AP2A2: variants seen among roughly 807,000 people sequenced by gnomAD.
AP2A2 encodes adaptor related protein complex 2 subunit alpha 2.
Under a neutral mutation model 104.2 loss-of-function variants are expected in AP2A2, and 32 were observed. That is an observed-to-expected ratio of 0.31 (90% confidence interval 0.23 to 0.41). AP2A2 has a LOEUF of 0.41. Among genes scored for constraint, AP2A2 ranks in the 10% least tolerant of loss-of-function variants. AP2A2 has a pLI of 1.00. For missense variants in AP2A2, 912 were observed against 1,261.0 expected (o/e 0.72, Z 4.19); for synonymous variants, 539 against 533.3 (o/e 1.01, Z -0.15).
Position 985,604 on chromosome 11 carries a change from A to G in AP2A2, c.962+22A>G, listed in dbSNP as rs759743540. The stretch of plus-strand genomic sequence containing the variant: ...ACAGGTGTGTCGGCTGCCTGTGGAG[A>G]GGCTTCGTCTCGCGCACACACACAC... On this transcript the variant is annotated intron_variant, in intron 8 of 21. Coordinates refer to ENST00000448903, the MANE Select transcript of AP2A2 (RefSeq NM_012305.4). 16 of 1,613,440 alleles carry G rather than the reference A, an allele frequency of 9.9e-6. No homozygotes were observed. The African/African-American group carries it at 2.0e-4, about 20-fold the overall frequency.
rs192003970 is a variant in AP2A2, at chr11:992,040, G to A, written c.1270-463G>A. ...GAAGGGGAACCCCCAGGTGAGGCTC[G>A]CAGGAAAGACTGGCCAGAGCCGGAA... is the stretch of plus-strand genomic sequence containing the variant. On this transcript the variant is annotated intron_variant, in intron 10 of 21. Coordinates refer to ENST00000448903, the MANE Select transcript of AP2A2 (RefSeq NM_012305.4). The surrounding 1 kb of genome is among the most constrained non-coding windows in gnomAD (Gnocchi z 6.4). 3.3e-5 allele frequency among the ~76,000 whole-genome samples: 5 copies of A among 152,254 alleles called. No homozygotes were observed. Among genetic ancestry groups the A allele is most frequent in the East Asian group, 3.9e-4 (2 of 5,178 alleles).
chr11:1,010,767 C>T lies in AP2A2; in HGVS notation c.*142C>T, dbSNP rs893978787. 5 of 739,420 alleles carry T rather than the reference C, an allele frequency of 6.8e-6. No individual in the cohort carries two copies. The East Asian group carries it at 8.0e-5, about 12-fold the overall frequency. 45.8% of individuals were successfully genotyped at this position (739,420 alleles called of 1,614,324 possible). On this transcript the variant is annotated 3_prime_UTR_variant, in exon 22 of 22. Transcript: ENST00000448903. ...CCCGCCCCGCCGCCCCACACCTCTC[C>T]CCTTTGGGCTGGACGGGAACACACG...
At position 986,943 on chromosome 11, in the gene AP2A2, A is replaced by G. The variant is rs1390646128; in HGVS notation, c.1121A>G (p.Asn374Ser). 1 of 1,585,162 alleles carries G rather than the reference A, an allele frequency of 6.3e-7. No homozygotes were observed. Among genetic ancestry groups the G allele is most frequent in the African/African-American group, 1.3e-5 (1 of 74,234 alleles). Residue 374 changes from asparagine (N) to serine (S), a missense_variant, in exon 9 of 22, where the codon AAC becomes AGC. Around this residue, in one of 7 missense-constraint regions of AP2A2, gnomAD observed 350 missense variants for 487.0 expected, o/e 0.72. Coordinates refer to ENST00000448903, the MANE Select transcript of AP2A2 (RefSeq NM_012305.4). ...AAGACGCACATCGAGACGGTCATCA[A>G]CGCCCTGAAGGCGAGTGCCCTGTCC... ...AVKTHIETVI[N>S]ALKTERDVSV...
intron 3 of AP2A2, 140 bp downstream of exon 3, chr11:970,451 C>T (rs980831509): frequency 1.0e-5 from 11 of 1,089,462 alleles, no homozygotes; most frequent in East Asian, 7.7e-5. Flanking sequence ...GATGGAGACG[C>T]GTGCCCAGTC....
rs1564799051 is a variant in AP2A2 at position 968,739 on chromosome 11, G to A, written c.137-1430G>A. 6.6e-6 allele frequency among the ~76,000 whole-genome samples: 1 copy of A among 151,628 alleles called. No homozygotes were observed. The highest frequency in any genetic ancestry group is 1.5e-5 in the Non-Finnish European group (1 of 67,864). ...CCTGCACAAACAGGGCACGGAGAAC[G>A]TGTCTGCTGGGACCCCTTGGGCACA... is the stretch of plus-strand genomic sequence containing the variant. On this transcript the variant is annotated intron_variant, in intron 2 of 21. Coordinates refer to ENST00000448903, the MANE Select transcript of AP2A2 (RefSeq NM_012305.4). The surrounding 1 kb of genome is among the most constrained non-coding windows in gnomAD (Gnocchi z 4.2).
At chr11:960,322 A>G (rs1374135757) in intron 2 of AP2A2, among the ~76,000 whole-genome samples, 1 of 150,630 alleles carries the variant, frequency 6.6e-6, no homozygotes, top group East Asian at 1.9e-4. Flanking sequence ...GGCTCACCGC[A>G]ACCTCCGCCT....
intron 6 of AP2A2, among the ~76,000 whole-genome samples, chr11:983,040 A>G (rs183924460): frequency 0.016 from 738 of 46,704 alleles, 20 homozygotes; most frequent in Admixed American, 0.15. Flanking sequence ...TTTTTTTTTG[A>G]GTCGGAGTCG....
intron 14 of AP2A2, among the ~76,000 whole-genome samples, chr11:994,916 G>T (rs1469539098): frequency 2.7e-5 from 3 of 110,866 alleles, no homozygotes; most frequent in Admixed American, 8.8e-5. Context: ...CGCCCCCCTG[G>T]CCTGTCCTGG....
At chr11:983,017 CTTTTTT>C (rs56742889) in intron 6 of AP2A2, among the ~76,000 whole-genome samples, 3 of 82,390 alleles carry the variant, frequency 3.6e-5, no homozygotes, top group Admixed American at 1.6e-4. Flanking sequence ...TTTTCTTTTT[CTTTTTT>C]TTTTTTTTTT....
In AP2A2 at chr11:1,011,658, C is replaced by T. The variant is rs1856437733; in HGVS notation, c.*1033C>T. 1 of 363,974 alleles carries T rather than the reference C, an allele frequency of 2.7e-6. No homozygotes were observed. Among genetic ancestry groups the T allele is most frequent in the South Asian group, 2.0e-5 (1 of 49,744 alleles). The allele number at this position is 363,974 out of a possible 1,614,324, so 22.5% of individuals were successfully genotyped here. The stretch of plus-strand genomic sequence containing the variant: ...TAGGAGCCAAGGCTGGGGCCTTGCG[C>T]TCTGTCCCCAGGATGGTGGCCTTGT... On this transcript the variant is annotated 3_prime_UTR_variant, in exon 22 of 22. Transcript: ENST00000448903.
At chr11:951,974 T>TC (rs1294405917) in intron 1 of AP2A2, among the ~76,000 whole-genome samples, 1 of 38,056 alleles carries the variant, frequency 2.6e-5, no homozygotes, top group Non-Finnish European at 7.1e-5. Context: ...CTCAGGTGAT[T>TC]CCCCCCACCT....
chr11:964,850 C>G (rs1589972808), intron 2 of AP2A2, among the ~76,000 whole-genome samples: 1 of 125,230 alleles, frequency 8.0e-6, no homozygotes, highest in Admixed American at 8.7e-5. Context: ...GAAATAATCC[C>G]AGATGGAAGC....
Position 992,617 on chromosome 11 carries a change from T to C in AP2A2, c.1384T>C (p.Tyr462His). 1 of 1,613,946 alleles carries C rather than the reference T, an allele frequency of 6.2e-7. No individual in the cohort carries two copies. Among genetic ancestry groups the C allele is most frequent in the Non-Finnish European group, 8.5e-7 (1 of 1,179,886 alleles). ...TGATTACGTGAGTGAAGAGGTGTGG[T>C]ACCGAGTCATTCAGATCGTCATCAA... Reference protein sequence around the residue: ...AGDYVSEEVWYRVIQIVINRD... With the variant: ...AGDYVSEEVWHRVIQIVINRD... Residue 462 changes from tyrosine (Y) to histidine (H), a missense_variant, in exon 11 of 22, where the codon TAC becomes CAC. Tyr to His is a moderately conservative substitution (Grantham distance 83, BLOSUM62 2). Coordinates refer to ENST00000448903, the MANE Select transcript of AP2A2 (RefSeq NM_012305.4). The surrounding 1 kb of genome is among the most constrained non-coding windows in gnomAD (Gnocchi z 6.4).
chr11:1,006,547 T>C lies in AP2A2; in HGVS notation c.2226T>C (p.Tyr742=). The change falls in exon 17 of 22, where the codon TAT becomes TAC. Residue 742 remains tyrosine (Y), a synonymous_variant. Coordinates refer to ENST00000448903, the MANE Select transcript of AP2A2 (RefSeq NM_012305.4). ...TTCTAGGTCGGATGTTTATCTTTTATGGTAATAAGACCTCCACGCAGTTCC... is the reference window on the plus strand; with the variant it reads ...TTCTAGGTCGGATGTTTATCTTTTACGGTAATAAGACCTCCACGCAGTTCC... The part of the protein sequence containing the change: ...RQNLGRMFIF[Y]GNKTSTQFLN... 6.2e-7 allele frequency: 1 copy of C among 1,613,562 alleles called. No individual in the cohort carries two copies. The highest frequency in any genetic ancestry group is 1.7e-5 in the Admixed American group (1 of 60,000).
chr11:971,537 TG>T (rs752981245), intron 3 of AP2A2, among the ~76,000 whole-genome samples: 47 of 149,570 alleles, frequency 3.1e-4, no homozygotes, highest in Non-Finnish European at 5.0e-4. Flanking sequence ...CGAGGATGGC[TG>T]GGAAGAAGTG....
intron 17 of AP2A2, chr11:1,006,864 C>T: frequency 2.0e-6 from 1 of 502,066 alleles, no homozygotes; most frequent in South Asian, 2.6e-5. Context: ...TGCCTCCTCC[C>T]CTTCCATCTG....
At chr11:954,927 C>A (rs919552684) in intron 1 of AP2A2, among the ~76,000 whole-genome samples, 1 of 152,294 alleles carries the variant, frequency 6.6e-6, no homozygotes, top group African/African-American at 2.4e-5. Context: ...TATATAAAAT[C>A]TGTAGATTCC....
At chr11:1,002,898 G>A (rs1477111955) in intron 15 of AP2A2, among the ~76,000 whole-genome samples, 1 of 152,212 alleles carries the variant, frequency 6.6e-6, no homozygotes, top group Non-Finnish European at 1.5e-5. Context: ...GAGGGAGGGG[G>A]CGGTGCCATG....
intron 1 of AP2A2, chr11:940,807 G>C: frequency 2.2e-6 from 1 of 456,304 alleles, no homozygotes; most frequent in South Asian, 1.5e-5. Flanking sequence ...GCTTTGGCAG[G>C]GGCCTTCGCT....
Sources: gnomAD v4.1 joint callset for allele counts (sites outside exome capture counted in the v4.1 genomes callset) on GRCh38, gnomAD v4.1.1 for gene constraint, gnomAD v4.1.1 regional missense constraint, Gnocchi (gnomAD v3.1) non-coding constraint, MANE v1.5 for transcripts, NCBI Gene and HGNC (gene_info 2026-07-23, HGNC 2026-07-21) for gene names.